FTCDNL1: variants seen among roughly 807,000 people sequenced by gnomAD.
FTCDNL1 encodes the protein formiminotransferase N-terminal subdomain-containing protein.
FTCDNL1 carries 11 observed loss-of-function variants against 5.9 expected under a neutral mutation model. The ratio of observed to expected loss-of-function variants is 1.87; its 90% CI spans 1.18 to 3.10. The LOEUF is 3.10. FTCDNL1 is among the 30% of genes most tolerant of loss of function. The pLI, the probability that FTCDNL1 is intolerant of heterozygous loss-of-function variation, is 0.00. For synonymous variants in FTCDNL1, 58 were observed against 24.8 expected, an observed-to-expected ratio of 2.34 and a Z score of -3.99; for missense variants, 115 against 65.5, an observed-to-expected ratio of 1.76 and a Z score of -2.61.
chr2:199,822,812 A>C (rs1701779791), intron 3 of FTCDNL1, among the ~76,000 whole-genome samples: 2 of 152,170 alleles, frequency 1.3e-5, no homozygotes, highest in South Asian at 4.1e-4. Flanking sequence ...TTATTGCTTC[A>C]TCCATAAGAA....
chr2:199,840,509 G>A (rs960932185), intron 3 of FTCDNL1, among the ~76,000 whole-genome samples: 1 of 151,916 alleles, frequency 6.6e-6, no homozygotes, highest in South Asian at 2.1e-4. Flanking sequence ...ATGAGAGGTG[G>A]GGTAAGGGGA....
At chr2:199,715,870 C>A in the FTCDNL1 span, among the ~76,000 whole-genome samples, 1 of 152,002 alleles carries the variant, frequency 6.6e-6, no homozygotes, top group Non-Finnish European at 1.5e-5. Context: ...GCCCCTAGAG[C>A]AGCAGATTAA....
intron 3 of FTCDNL1, among the ~76,000 whole-genome samples, chr2:199,843,553 G>A (rs753721883): frequency 2.6e-5 from 4 of 152,112 alleles, no homozygotes; most frequent in Non-Finnish European, 5.9e-5. Flanking sequence ...TAAGTAGTGA[G>A]GTACTCCTTT....
At chr2:199,791,856 A>G (rs1401234565) in intron 3 of FTCDNL1, among the ~76,000 whole-genome samples, 3 of 152,156 alleles carry the variant, frequency 2.0e-5, no homozygotes, top group Admixed American at 6.5e-5. Context: ...GTATATGCAT[A>G]TGTGTATATA....
At chr2:199,717,691 T>C in the FTCDNL1 span, among the ~76,000 whole-genome samples, 3 of 151,908 alleles carry the variant, frequency 2.0e-5, no homozygotes, top group Non-Finnish European at 2.9e-5. Context: ...CTGGTCAGCA[T>C]TGGCTCCTTC....
At chr2:199,688,366 A>G in the FTCDNL1 span, among the ~76,000 whole-genome samples, 3 of 152,166 alleles carry the variant, frequency 2.0e-5, no homozygotes, top group African/African-American at 4.8e-5. Flanking sequence ...AAACATCAGA[A>G]TCACCTAAGA....
rs192509773 is a variant in FTCDNL1, at chr2:199,810,635, G to A, written c.*2070C>T. Among the ~76,000 whole-genome samples, 10 of 152,260 alleles carry A rather than the reference G, an allele frequency of 6.6e-5. No homozygotes were observed. The highest frequency in any genetic ancestry group is 2.6e-4 in the Admixed American group (4 of 15,302). ...GTGCGGCTCACATTACATAAATAGC[G>A]TGGCTCTAATTATAGTTTACACTAT... is the stretch of plus-strand genomic sequence containing the variant. On this transcript the variant is annotated 3_prime_UTR_variant, in exon 5 of 5. Transcript: ENST00000420128.
chr2:199,793,709 T>G (rs1019337635), intron 3 of FTCDNL1, among the ~76,000 whole-genome samples: 5 of 152,160 alleles, frequency 3.3e-5, no homozygotes, highest in Non-Finnish European at 7.4e-5. Flanking sequence ...CGGATTGATA[T>G]TCCCCCTTAA....
the FTCDNL1 span, among the ~76,000 whole-genome samples, chr2:199,702,274 G>C: frequency 6.6e-6 from 1 of 151,854 alleles, no homozygotes; most frequent in Admixed American, 6.6e-5. Context: ...ATGTACCCTT[G>C]AACCTAAAAT....
chr2:199,664,611 T>C, the FTCDNL1 span, among the ~76,000 whole-genome samples: 5 of 152,202 alleles, frequency 3.3e-5, no homozygotes, highest in Non-Finnish European at 7.3e-5. Context: ...AATCACAGAA[T>C]ACTGGAACTT....
At chr2:199,730,161 A>C in the FTCDNL1 span, among the ~76,000 whole-genome samples, 1 of 152,242 alleles carries the variant, frequency 6.6e-6, no homozygotes, top group Non-Finnish European at 1.5e-5. Flanking sequence ...CAGAAAACTG[A>C]AACTGGACCC....
At chr2:199,784,052 G>C (rs1699513146) in intron 3 of FTCDNL1, among the ~76,000 whole-genome samples, 1 of 152,074 alleles carries the variant, frequency 6.6e-6, no homozygotes, top group African/African-American at 2.4e-5. Flanking sequence ...CAACCTCTTA[G>C]GGTTGAAAAT....
At chr2:199,763,833 T>G (rs1698382602) in intron 3 of FTCDNL1, among the ~76,000 whole-genome samples, 1 of 152,188 alleles carries the variant, frequency 6.6e-6, no homozygotes, top group Non-Finnish European at 1.5e-5. Context: ...TTGGAATATT[T>G]ATTTTTTATT....
At chr2:199,776,285 A>G (rs554387866) in intron 3 of FTCDNL1, among the ~76,000 whole-genome samples, 1 of 152,332 alleles carries the variant, frequency 6.6e-6, no homozygotes, top group Non-Finnish European at 1.5e-5. Flanking sequence ...ATATAATGAG[A>G]ACAAGGAAAC....
the FTCDNL1 span, among the ~76,000 whole-genome samples, chr2:199,678,500 T>C: frequency 2.0e-5 from 3 of 152,100 alleles, no homozygotes; most frequent in African/African-American, 7.2e-5. Flanking sequence ...ATATAAGCCA[T>C]ATTTTTTAAG....
chr2:199,823,848 G>C (rs1477598286), intron 3 of FTCDNL1, among the ~76,000 whole-genome samples: 1 of 152,180 alleles, frequency 6.6e-6, no homozygotes, highest in African/African-American at 2.4e-5. Flanking sequence ...CCCCTAACAA[G>C]AGAATCAGCC....
the FTCDNL1 span, among the ~76,000 whole-genome samples, chr2:199,700,931 A>AAAGGTC: frequency 6.6e-6 from 1 of 152,036 alleles, no homozygotes; most frequent in African/African-American, 2.4e-5. Context: ...TAGAAAAAAA[A>AAAGGTC]AAGGTCAGTT....
the FTCDNL1 span, among the ~76,000 whole-genome samples, chr2:199,685,878 C>A: frequency 1.3e-5 from 2 of 152,228 alleles, no homozygotes; most frequent in African/African-American, 4.8e-5. Context: ...AAACCACAGA[C>A]TCCTTTTAAC....
chr2:199,774,340 T>C (rs545134950), intron 3 of FTCDNL1, among the ~76,000 whole-genome samples: 1 of 152,308 alleles, frequency 6.6e-6, no homozygotes, highest in Non-Finnish European at 1.5e-5. Flanking sequence ...TCCAGTCCCA[T>C]ATGGATTATG....
Sources: allele counts gnomAD v4.1 joint callset (sites outside exome capture counted in the v4.1 genomes callset), GRCh38; gene constraint gnomAD v4.1.1; transcripts MANE v1.5; gene names NCBI Gene and HGNC (gene_info 2026-07-23, HGNC 2026-07-21).